The following CDH12 variants were observed in gnomAD, a reference collection of about 807,000 sequenced individuals.
CDH12 encodes the protein cadherin 12, also known as cadherin-12.
A neutral mutation model predicts 74.1 loss-of-function variants in CDH12; 41 were observed. That is an observed-to-expected ratio of 0.55 (90% CI 0.43 to 0.72). The LOEUF is 0.72. Among genes scored for constraint, CDH12 ranks in the 30% least tolerant of loss-of-function variants. The pLI, the probability that CDH12 is intolerant of heterozygous loss-of-function variation, is 0.00. For synonymous variants in CDH12, 399 were observed against 355.0 expected (o/e 1.12, Z -1.39); for missense variants, 945 against 977.2 (o/e 0.97, Z 0.44).
At chr5:22,748,931 C>A (rs560877689) in intron 1 of CDH12, among the ~76,000 whole-genome samples, 2 of 152,230 alleles carry the variant, frequency 1.3e-5, no homozygotes, top group African/African-American at 4.8e-5. Context: ...AGTCACAATA[C>A]CTGTCCTTGA....
At chr5:22,153,186 T>TTC (rs1239615013) in intron 4 of CDH12, among the ~76,000 whole-genome samples, 19 of 150,524 alleles carry the variant, frequency 1.3e-4, no homozygotes, top group Admixed American at 3.3e-4. Flanking sequence ...TTCTTTTCTT[T>TTC]TTTTTTTTTT....
chr5:21,996,251 G>A (rs1046048145), intron 5 of CDH12, among the ~76,000 whole-genome samples: 4 of 151,960 alleles, frequency 2.6e-5, no homozygotes, highest in African/African-American at 7.2e-5. Context: ...ATCGGCCCTC[G>A]CCATGCCAGC....
At chr5:21,944,104 C>T (rs953970123) in intron 6 of CDH12, among the ~76,000 whole-genome samples, 12 of 152,126 alleles carry the variant, frequency 7.9e-5, no homozygotes, top group Admixed American at 3.9e-4. Flanking sequence ...CTAATACAAA[C>T]TTGTCCTCTT....
At chr5:22,009,939 C>CAA (rs774589642) in intron 5 of CDH12, among the ~76,000 whole-genome samples, 1,496 of 54,194 alleles carry the variant, frequency 0.028, 53 homozygotes, top group African/African-American at 0.073. Flanking sequence ...GAAACTGTCT[C>CAA]AAAAAAAAAA....
At chr5:22,806,604 T>C (rs1748826807) in intron 1 of CDH12, among the ~76,000 whole-genome samples, 1 of 152,114 alleles carries the variant, frequency 6.6e-6, no homozygotes, top group African/African-American at 2.4e-5. Context: ...TCCGCCCGCC[T>C]CGGCCTCCCA....
intron 1 of CDH12, among the ~76,000 whole-genome samples, chr5:22,790,751 C>T (rs1205097871): frequency 2.6e-5 from 4 of 151,960 alleles, no homozygotes; most frequent in Non-Finnish European, 4.4e-5. Flanking sequence ...TTTGTGAATA[C>T]CTAAATTGAT....
At chr5:21,840,819 A>G (rs1002406886) in intron 8 of CDH12, among the ~76,000 whole-genome samples, 4 of 152,314 alleles carry the variant, frequency 2.6e-5, no homozygotes, top group African/African-American at 9.6e-5. Flanking sequence ...AAAAGCTGAA[A>G]CTGGATCCCT....
intron 1 of CDH12, among the ~76,000 whole-genome samples, chr5:22,546,668 G>T (rs1016333411): frequency 6.6e-5 from 10 of 152,114 alleles, no homozygotes; most frequent in Non-Finnish European, 1.0e-4. Context: ...TGTCAATTTA[G>T]TAGAGTATGT....
chr5:22,009,230 G>A (rs1737146902), intron 5 of CDH12, among the ~76,000 whole-genome samples: 1 of 152,164 alleles, frequency 6.6e-6, no homozygotes, highest in South Asian at 2.1e-4. Context: ...TAATGAATAA[G>A]CGAAACAGAA....
Position 22,725,239 on chromosome 5 carries a change from T to G in CDH12, c.-523+127819A>C, listed in dbSNP as rs184426025. On this transcript the variant is annotated intron_variant, in intron 1 of 14. Coordinates refer to ENST00000382254, the MANE Select transcript of CDH12 (RefSeq NM_004061.5). ...GTTTGTGTTTTTATAAAGGATGAAA[T>G]AAAATATTATGTGAACGTATTTCAT... 1.9e-4 allele frequency among the ~76,000 whole-genome samples: 29 copies of G among 152,000 alleles called. No individual in the cohort carries two copies. The East Asian group carries it at 4.8e-3, about 25-fold the overall frequency.
intron 1 of CDH12, among the ~76,000 whole-genome samples, chr5:22,642,095 C>T (rs1464561131): frequency 6.6e-6 from 1 of 152,142 alleles, no homozygotes; most frequent in Non-Finnish European, 1.5e-5. Flanking sequence ...TAGGAATATA[C>T]ATCAGTAATA....
chr5:22,769,269 G>A (rs906776135), intron 1 of CDH12, among the ~76,000 whole-genome samples: 1 of 152,130 alleles, frequency 6.6e-6, no homozygotes, highest in Admixed American at 6.6e-5. Flanking sequence ...AGCTGCCAGC[G>A]CGGCTAGAAC....
chr5:22,653,729 A>G (rs1201317692), intron 1 of CDH12, among the ~76,000 whole-genome samples: 1 of 152,172 alleles, frequency 6.6e-6, no homozygotes, highest in Non-Finnish European at 1.5e-5. Context: ...CTAATCCTCC[A>G]ATAGCTTCCC....
intron 2 of CDH12, among the ~76,000 whole-genome samples, chr5:22,504,396 A>G (rs538245120): frequency 6.2e-4 from 94 of 152,210 alleles, no homozygotes; most frequent in Non-Finnish European, 1.1e-3. Flanking sequence ...TCATCTTTCT[A>G]CTTCAGAAAT....
At chr5:22,685,915 T>C in intron 1 of CDH12, among the ~76,000 whole-genome samples, 1 of 152,240 alleles carries the variant, frequency 6.6e-6, no homozygotes, top group South Asian at 2.1e-4. Context: ...TGCTTAGGAG[T>C]AGAATTGCTG....
intron 2 of CDH12, among the ~76,000 whole-genome samples, chr5:22,465,906 T>C: frequency 6.6e-6 from 1 of 152,134 alleles, no homozygotes; most frequent in Admixed American, 6.5e-5. Context: ...TCTACCAGAA[T>C]TTATTCTTTC....
intron 1 of CDH12, among the ~76,000 whole-genome samples, chr5:22,762,279 A>G (rs1004278092): frequency 1.3e-5 from 2 of 152,080 alleles, no homozygotes; most frequent in African/African-American, 4.8e-5. Context: ...AAGAAGTAAT[A>G]ATAATTATAG....
intron 2 of CDH12, among the ~76,000 whole-genome samples, chr5:22,448,620 T>A (rs1199014538): frequency 6.6e-6 from 1 of 152,192 alleles, no homozygotes; most frequent in African/African-American, 2.4e-5. Context: ...CTTTTGACTA[T>A]AAAGTTCCAG....
intron 1 of CDH12, among the ~76,000 whole-genome samples, chr5:22,748,129 T>C (rs1745385606): frequency 6.6e-6 from 1 of 152,190 alleles, no homozygotes; most frequent in South Asian, 2.1e-4. Flanking sequence ...ATAAAATATG[T>C]GTAAATTGAA....
Sources: gnomAD v4.1 joint callset for allele counts (sites outside exome capture counted in the v4.1 genomes callset) on GRCh38, gnomAD v4.1.1 for gene constraint, MANE v1.5 for transcripts, NCBI Gene and HGNC (gene_info 2026-07-23, HGNC 2026-07-21) for gene names.